HMOX2: variants seen among roughly 807,000 people sequenced by gnomAD.
The protein encoded by HMOX2 is heme oxygenase 2, also known as heme oxygenase (decycling) 2.
Under a neutral mutation model 33.7 loss-of-function variants are expected in HMOX2, and 30 were observed. The observed-to-expected ratio is 0.89, with a 90% CI of 0.67 to 1.21. HMOX2 has a LOEUF of 1.21. Ranked by LOEUF, HMOX2 falls within the 50% of genes most tolerant of loss-of-function variation. HMOX2 has a pLI of 0.00. For missense variants in HMOX2, 403 were observed against 399.1 expected (o/e 1.01, Z -0.08); for synonymous variants, 155 against 155.0 (o/e 1.00, Z 0.00).
intron 1 of HMOX2, among the ~76,000 whole-genome samples, chr16:4,478,701 G>T (rs1482518542): frequency 6.6e-6 from 1 of 151,598 alleles, no homozygotes; most frequent in Non-Finnish European, 1.5e-5. Flanking sequence ...GGAGGCAGAG[G>T]TTGCGATGAG....
intron 3 of HMOX2, among the ~76,000 whole-genome samples, chr16:4,507,339 GGA>G (rs1443933140): frequency 6.6e-6 from 1 of 152,006 alleles, no homozygotes; most frequent in African/African-American, 2.4e-5. Flanking sequence ...CAGCTACTTG[GGA>G]GGCTGAGGTG....
chr16:4,488,993 T>C (rs972183311), intron 1 of HMOX2, among the ~76,000 whole-genome samples: 25 of 151,910 alleles, frequency 1.6e-4, no homozygotes, highest in African/African-American at 5.6e-4. Flanking sequence ...GCCCAGCTAA[T>C]TTTTGTAGTT....
rs775595295 is a variant in HMOX2, at chr16:4,505,581, T to G, written c.57T>G (p.Ser19=). 2 of 1,601,968 alleles carry G rather than the reference T, an allele frequency of 1.2e-6. No individual in the cohort carries two copies. The highest frequency in any genetic ancestry group is 2.2e-5 in the South Asian group (2 of 89,288). ...TAGACGAGTCAGAAAAAAAGAACTC[T>G]GGGGCCCTAGAAAAGGAGAACCAAA... ...EGVDESEKKN[S]GALEKENQMR... Residue 19 remains serine (S), a synonymous_variant, in exon 2 of 6, where the codon TCT becomes TCG. Transcript: ENST00000570646.
chr16:4,496,545 C>G (rs183452521), intron 1 of HMOX2: 32 of 152,360 alleles, frequency 2.1e-4, no homozygotes, highest in African/African-American at 7.2e-4. Context: ...TTCCTTGTTG[C>G]TAGCAGTCTG....
chr16:4,509,212 G>C (rs1408020154), intron 4 of HMOX2, among the ~76,000 whole-genome samples, 200 bp from the exon 5 acceptor site: 2 of 152,116 alleles, frequency 1.3e-5, no homozygotes, highest in Non-Finnish European at 2.9e-5. Context: ...AAATTAGCCA[G>C]GTATGGTGGT....
chr16:4,484,449 T>C (rs1206061667), intron 1 of HMOX2, among the ~76,000 whole-genome samples: 1 of 141,116 alleles, frequency 7.1e-6, no homozygotes, highest in East Asian at 1.9e-4. Flanking sequence ...TGCTCAAGTT[T>C]CTTTTCTTTT....
chr16:4,487,002 G>A (rs1049720712), intron 1 of HMOX2, among the ~76,000 whole-genome samples: 9 of 152,340 alleles, frequency 5.9e-5, no homozygotes, highest in South Asian at 2.1e-4. Flanking sequence ...GCCCACGCCT[G>A]TAATCCCAGT....
At chr16:4,482,197 A>G (rs2058048705) in intron 1 of HMOX2, among the ~76,000 whole-genome samples, 2 of 152,288 alleles carry the variant, frequency 1.3e-5, no homozygotes, top group Admixed American at 6.5e-5. Context: ...GTTCAGTGTC[A>G]TATTTGTCCT....
chr16:4,509,938 T>G lies in HMOX2; in HGVS notation c.*182T>G. The G allele has an allele frequency of 6.0e-6, 4 of 665,754 alleles. No individual in the cohort carries two copies. The highest frequency in any genetic ancestry group is 1.0e-5 in the Non-Finnish European group (4 of 397,406). 41.2% of individuals were successfully genotyped at this position (665,754 alleles called of 1,614,324 possible). A position where few individuals can be genotyped will look rare whatever the true frequency, so the allele number is the denominator to read the frequency against. Reference sequence around the variant, plus strand: ...GACAGCATCCTCTCTATGGGCCATATTCCGCACTGGGCACAGGCCGTCACC... The same window carrying G: ...GACAGCATCCTCTCTATGGGCCATAGTCCGCACTGGGCACAGGCCGTCACC... On this transcript the variant is annotated 3_prime_UTR_variant, in exon 6 of 6. Coordinates refer to ENST00000570646, the MANE Select transcript of HMOX2 (RefSeq NM_002134.4).
In HMOX2 at chr16:4,509,984, G is replaced by A. The variant is rs1378012858; in HGVS notation, c.*228G>A. 4 of 566,970 alleles carry A rather than the reference G, an allele frequency of 7.1e-6. No homozygotes were observed. The highest frequency in any genetic ancestry group is 1.2e-5 in the Non-Finnish European group (4 of 320,202). The allele number at this position is 566,970 out of a possible 1,614,324, so 35.1% of individuals were successfully genotyped here. On this transcript the variant is annotated 3_prime_UTR_variant, in exon 6 of 6. Coordinates refer to ENST00000570646, the MANE Select transcript of HMOX2 (RefSeq NM_002134.4). ...TCACCCTGGGAGCAGTCGGCACAGT[G>A]CAGCAAGCCTGGCCCCCGACCCAGC...
At chr16:4,505,907 C>CTTT (rs1230499958) in intron 2 of HMOX2, among the ~76,000 whole-genome samples, 1 of 152,132 alleles carries the variant, frequency 6.6e-6, no homozygotes, top group Non-Finnish European at 1.5e-5. Context: ...CTCATCTGGG[C>CTTT]TGAGAAAGGG....
At position 4,507,823 on chromosome 16, in the gene HMOX2, G is replaced by A. The variant is rs780658544; in HGVS notation, c.315G>A (p.Arg105=). 1.9e-6 allele frequency: 3 copies of A among 1,614,104 alleles called. No individual in the cohort carries two copies. In the African/African-American group the frequency reaches 4.0e-5, roughly 22 times the overall value. The stretch of plus-strand genomic sequence containing the variant: ...TGTACTTCCCCATGGAGCTGCACCG[G>A]AAGGAGGCGCTGACCAAGGACATGG... ...APLYFPMELH[R]KEALTKDMEY... Residue 105 remains arginine, a synonymous_variant, in exon 4 of 6, where the codon CGG becomes CGA. Coordinates refer to ENST00000570646, the MANE Select transcript of HMOX2 (RefSeq NM_002134.4).
At chr16:4,507,449 C>CAAAA (rs757895134) in intron 3 of HMOX2, among the ~76,000 whole-genome samples, 3 of 126,868 alleles carry the variant, frequency 2.4e-5, no homozygotes, top group South Asian at 5.0e-4. Flanking sequence ...TTTACCCCGC[C>CAAAA]AAAAAAAAAA....
intron 1 of HMOX2, among the ~76,000 whole-genome samples, chr16:4,497,554 G>C (rs980798940): frequency 6.6e-6 from 1 of 152,136 alleles, no homozygotes; most frequent in Non-Finnish European, 1.5e-5. Flanking sequence ...GGCTCTACCA[G>C]GACTCATCAT....
Position 4,507,947 on chromosome 16 carries a change from G to C in HMOX2, c.439G>C (p.Glu147Gln). ...CCACTACATAGGGCAGAACGAGCCG[G>C]AGCTACTGGTGGCCCATGCATACAC... ...RIHYIGQNEP[E>Q]LLVAHAYTRY... is the part of the protein sequence containing the mutation. Residue 147 changes from glutamate to glutamine, a missense_variant, in exon 4 of 6, where the codon GAG (glutamate) becomes CAG (glutamine). Transcript: ENST00000570646. 1.2e-6 allele frequency: 2 copies of C among 1,613,966 alleles called. No homozygotes were observed. Among genetic ancestry groups the C allele is most frequent in the South Asian group, 2.2e-5 (2 of 91,066 alleles).
At chr16:4,499,446 A>G (rs1165630659) in intron 1 of HMOX2, among the ~76,000 whole-genome samples, 1 of 152,204 alleles carries the variant, frequency 6.6e-6, no homozygotes, top group African/African-American at 2.4e-5. Context: ...TATATGTGAA[A>G]TCTGAAAAAG....
intron 1 of HMOX2, among the ~76,000 whole-genome samples, chr16:4,482,074 G>A (rs574313554): frequency 6.6e-6 from 1 of 152,176 alleles, no homozygotes; most frequent in East Asian, 1.9e-4. Flanking sequence ...CAGGCCTTCG[G>A]TTGGCTTGGT....
At chr16:4,500,201 A>T (rs1023262839) in intron 1 of HMOX2, among the ~76,000 whole-genome samples, 8 of 152,176 alleles carry the variant, frequency 5.3e-5, no homozygotes, top group African/African-American at 1.7e-4. Context: ...GCAATTTTAT[A>T]TCGGAGTGAG....
chr16:4,488,272 G>A (rs1437476968), intron 1 of HMOX2, among the ~76,000 whole-genome samples: 2 of 152,072 alleles, frequency 1.3e-5, no homozygotes, highest in Admixed American at 6.6e-5. Flanking sequence ...TCCTCAGTCA[G>A]TAGTTGATGT....
Sources: allele counts gnomAD v4.1 joint callset (sites outside exome capture counted in the v4.1 genomes callset), GRCh38; gene constraint gnomAD v4.1.1; transcripts MANE v1.5; gene names NCBI Gene and HGNC (gene_info 2026-07-23, HGNC 2026-07-21).